Variants in SGCD observed in about 807,000 individuals in gnomAD.
The protein encoded by SGCD is delta-sarcoglycan.
SGCD carries 18 observed loss-of-function variants against 36.6 expected under a neutral mutation model. The ratio of observed to expected loss-of-function variants is 0.49; its 90% CI spans 0.34 to 0.73. The LOEUF (loss-of-function observed/expected upper bound fraction) is 0.73, where lower values mean the gene tolerates loss of function less well. Ranked by LOEUF, SGCD falls within the 30% of genes least tolerant of loss-of-function variation. The pLI is 0.01. For synonymous variants in SGCD, 133 were observed against 130.6 expected (o/e 1.02, Z -0.12); for missense variants, 387 against 346.7 (o/e 1.12, Z -0.92).
intron 7 of SGCD, among the ~76,000 whole-genome samples, chr5:156,668,996 T>G (rs1276280653): frequency 1.3e-5 from 2 of 152,176 alleles, no homozygotes; most frequent in Non-Finnish European, 2.9e-5. Flanking sequence ...TCAGCACTCT[T>G]GAATCTCCTT....
At chr5:156,284,330 G>A (rs1425339682) in intron 3 of SGCD, among the ~76,000 whole-genome samples, 1 of 152,094 alleles carries the variant, frequency 6.6e-6, no homozygotes, top group Non-Finnish European at 1.5e-5. Context: ...GATGAGGCCA[G>A]CATCATCCTG....
intron 7 of SGCD, among the ~76,000 whole-genome samples, chr5:156,667,153 G>A (rs1473758118): frequency 6.6e-6 from 1 of 152,050 alleles, no homozygotes; most frequent in Non-Finnish European, 1.5e-5. Context: ...TCAAAATCTG[G>A]AAAAATCCAT....
intron 1 of SGCD, among the ~76,000 whole-genome samples, chr5:156,043,153 T>C (rs1020914378): frequency 2.0e-5 from 3 of 152,146 alleles, no homozygotes; most frequent in Non-Finnish European, 4.4e-5. Context: ...TCATGACCAG[T>C]TTTTGCTGAA....
upstream of SGCD, among the ~76,000 whole-genome samples, chr5:156,322,601 AG>A (rs1236936033): frequency 1.3e-5 from 2 of 152,212 alleles, no homozygotes; most frequent in African/African-American, 4.8e-5. Context: ...TAAATTCTAG[AG>A]GAAGTGATAA....
At chr5:156,688,359 T>A (rs189942445) in intron 7 of SGCD, among the ~76,000 whole-genome samples, 70 of 152,354 alleles carry the variant, frequency 4.6e-4, no homozygotes, top group Non-Finnish European at 8.8e-4. Context: ...CAGCAAGTAC[T>A]GTTTATAATG....
rs1178249178 is a variant in SGCD, at chr5:156,766,435, C to A, written c.*7045C>A. 1 of 151,706 alleles carries A rather than the reference C, an allele frequency of 6.6e-6. No homozygotes were observed. Among genetic ancestry groups the A allele is most frequent in the Non-Finnish European group, 1.5e-5 (1 of 68,016 alleles). 9.4% of individuals were successfully genotyped at this position (151,706 alleles called of 1,614,324 possible). A position where few individuals can be genotyped will look rare whatever the true frequency, so the allele number is the denominator to read the frequency against. ...TGGCAGCCATCATTAATGGGCCATA[C>A]CCTTCCCCAGGTGCAGAATTCTCCT... On this transcript the variant is annotated 3_prime_UTR_variant, in exon 9 of 9. Coordinates refer to ENST00000337851, the MANE Select transcript of SGCD (RefSeq NM_000337.6).
chr5:156,376,002 A>G (rs1010441725), intron 3 of SGCD, among the ~76,000 whole-genome samples: 1 of 152,202 alleles, frequency 6.6e-6, no homozygotes, highest in Non-Finnish European at 1.5e-5. Flanking sequence ...TTTATCGTAT[A>G]TGTACAGTTA....
At chr5:156,297,049 G>C (rs181178703) in intron 3 of SGCD, among the ~76,000 whole-genome samples, 9 of 150,966 alleles carry the variant, frequency 6.0e-5, no homozygotes, top group Middle Eastern at 6.8e-3. Context: ...ATATATATGG[G>C]ATATATTAGA....
intron 3 of SGCD, among the ~76,000 whole-genome samples, chr5:156,353,016 C>T (rs909659482): frequency 2.2e-4 from 34 of 152,134 alleles, no homozygotes; most frequent in African/African-American, 8.0e-4. Flanking sequence ...CACTGAGGGT[C>T]AGAGGAAGGC....
intron 3 of SGCD, among the ~76,000 whole-genome samples, chr5:156,318,976 G>A (rs1229751792): frequency 6.6e-6 from 1 of 152,164 alleles, no homozygotes; most frequent in Non-Finnish European, 1.5e-5. Context: ...TGCTCATCAA[G>A]TAGCCAATCT....
At chr5:156,514,537 A>G (rs1757077849) in intron 4 of SGCD, among the ~76,000 whole-genome samples, 2 of 152,358 alleles carry the variant, frequency 1.3e-5, no homozygotes, top group African/African-American at 4.8e-5. Context: ...AAATTATGCA[A>G]ATATTGAGAG....
intron 4 of SGCD, among the ~76,000 whole-genome samples, chr5:156,535,360 G>T (rs1273162017): frequency 6.6e-6 from 1 of 152,178 alleles, no homozygotes; most frequent in Non-Finnish European, 1.5e-5. Context: ...GCTTACAAAT[G>T]TTATGAGCCA....
intron 6 of SGCD, among the ~76,000 whole-genome samples, chr5:156,641,972 G>T (rs557933210): frequency 2.4e-4 from 37 of 152,170 alleles, no homozygotes; most frequent in Non-Finnish European, 4.7e-4. Context: ...CAGACTGGAT[G>T]CCTTAAAAAA....
At chr5:156,539,481 C>T (rs1758263598) in intron 4 of SGCD, among the ~76,000 whole-genome samples, 1 of 151,904 alleles carries the variant, frequency 6.6e-6, no homozygotes, top group Non-Finnish European at 1.5e-5. Context: ...CATAGCTTAG[C>T]TCCCACTTAT....
intron 1 of SGCD, among the ~76,000 whole-genome samples, chr5:155,932,932 T>C (rs1402312963): frequency 6.6e-6 from 1 of 152,160 alleles, no homozygotes; most frequent in Non-Finnish European, 1.5e-5. Context: ...TCATATTCTT[T>C]ATCTCATTAT....
chr5:155,945,570 T>C (rs565033914), intron 1 of SGCD, among the ~76,000 whole-genome samples: 1 of 152,306 alleles, frequency 6.6e-6, no homozygotes, highest in African/African-American at 2.4e-5. Context: ...GGAACTAGCC[T>C]GAGGCTTCAG....
Position 156,764,392 on chromosome 5 carries a change from A to G in SGCD, c.*5002A>G, listed in dbSNP as rs1039330030. The G allele has an allele frequency of 1.3e-5, 2 of 152,652 alleles. No individual in the cohort carries two copies. The highest frequency in any genetic ancestry group is 4.8e-5 in the African/African-American group (2 of 41,456). 9.5% of individuals were successfully genotyped at this position (152,652 alleles called of 1,614,324 possible). On this transcript the variant is annotated 3_prime_UTR_variant, in exon 9 of 9. Coordinates refer to ENST00000337851, the MANE Select transcript of SGCD (RefSeq NM_000337.6). ...CAAAGCCAAACCACTGATAAGAGAT[A>G]AAGCAGTCTGAAGCCTGCTGCTTCA...
intron 1 of SGCD, among the ~76,000 whole-genome samples, chr5:155,898,645 A>G (rs1756320948): frequency 6.6e-6 from 1 of 152,128 alleles, no homozygotes; most frequent in Non-Finnish European, 1.5e-5. Context: ...TTGGTGTAGT[A>G]TCCAGTGTGA....
At position 156,134,595 on chromosome 5, in the gene SGCD, T is replaced by C. The variant is rs559909470; in HGVS notation, c.-44+10576T>C. ...AAACCCCTCATCTTTAAAGTTCCGGTACAGAAAACCAAACACCACAGGTTC... is the reference window on the plus strand; with the variant it reads ...AAACCCCTCATCTTTAAAGTTCCGGCACAGAAAACCAAACACCACAGGTTC... On this transcript the variant is annotated intron_variant, in intron 3 of 9. Transcript: ENST00000517913. Among the ~76,000 whole-genome samples, 52 of 148,612 alleles carry C rather than the reference T, an allele frequency of 3.5e-4. 1 individual carries two copies. Among genetic ancestry groups the C allele is most frequent in the African/African-American group, 1.2e-3 (49 of 40,416 alleles).
Sources: gnomAD v4.1 joint callset for allele counts (sites outside exome capture counted in the v4.1 genomes callset) on GRCh38, gnomAD v4.1.1 for gene constraint, MANE v1.5 for transcripts, NCBI Gene and HGNC (gene_info 2026-07-23, HGNC 2026-07-21) for gene names.